The following PLEKHA8 variants were observed in gnomAD, a reference collection of about 807,000 sequenced individuals.
PLEKHA8 encodes the protein pleckstrin homology domain containing A8, also known as pleckstrin homology domain-containing family A member 8.
In PLEKHA8, 36 loss-of-function variants were observed where a neutral mutation model predicts 68.2. The ratio of observed to expected loss-of-function variants is 0.53; its 90% confidence interval spans 0.40 to 0.70. The LOEUF (loss-of-function observed/expected upper bound fraction) is 0.70. Ranked by LOEUF, PLEKHA8 falls within the 30% of genes least tolerant of loss-of-function variation. The pLI, the probability that PLEKHA8 is intolerant of heterozygous loss-of-function variation, is 0.00. For synonymous variants in PLEKHA8, 211 were observed against 216.1 expected (o/e 0.98, Z 0.20); for missense variants, 505 against 615.4 (o/e 0.82, Z 1.90).
intron 13 of PLEKHA8, among the ~76,000 whole-genome samples, chr7:30,097,004 T>C (rs1016993915): frequency 6.6e-6 from 1 of 152,196 alleles, no homozygotes; most frequent in Non-Finnish European, 1.5e-5. Context: ...CTTCAGGAGC[T>C]CTTTTAGGGC....
Position 30,028,686 on chromosome 7 carries a change from C to A in PLEKHA8, c.-77C>A. ...TGGGCAGCGCCAGGCGATGGCCCTG[C>A]TGCTGGTGCTCCTCGCCTCTTGGGG... On this transcript the variant is annotated 5_prime_UTR_variant, in exon 1 of 14. In the 5' UTR this introduces an upstream ATG that the reference lacks. Transcript: ENST00000449726. 1 of 1,122,290 alleles carries A rather than the reference C, an allele frequency of 8.9e-7. No individual in the cohort carries two copies. The highest frequency in any genetic ancestry group is 1.1e-6 in the Non-Finnish European group (1 of 879,988). The allele number at this position is 1,122,290 out of a possible 1,614,324, so 69.5% of individuals were successfully genotyped here. A position where few individuals can be genotyped will look rare whatever the true frequency, so the allele number is the denominator to read the frequency against.
chr7:30,099,019 G>T (rs988538363), intron 13 of PLEKHA8, among the ~76,000 whole-genome samples: 2 of 152,178 alleles, frequency 1.3e-5, no homozygotes, highest in Non-Finnish European at 2.9e-5. Context: ...GCCTCCCAAA[G>T]TTCTGGGATT....
At chr7:30,048,676 A>T (rs73077974) in intron 4 of PLEKHA8, among the ~76,000 whole-genome samples, 17 of 152,362 alleles carry the variant, frequency 1.1e-4, no homozygotes, top group Admixed American at 4.6e-4. Context: ...GCAGATTATA[A>T]TGAAAGATTT....
chr7:30,050,323 T>C, intron 5 of PLEKHA8, 111 bp from the exon 6 acceptor site: 1 of 1,367,958 alleles, frequency 7.3e-7, no homozygotes, highest in Non-Finnish European at 9.7e-7. Context: ...GTGGGGCTAG[T>C]GTATTTTATG....
At chr7:30,051,163 G>T (rs1792377648) in intron 6 of PLEKHA8, among the ~76,000 whole-genome samples, 1 of 152,134 alleles carries the variant, frequency 6.6e-6, no homozygotes, top group African/African-American at 2.4e-5. Flanking sequence ...GTCTCCCCAA[G>T]TATTGGTATT....
At position 30,074,061 on chromosome 7, in the gene PLEKHA8, T is replaced by G; in HGVS notation, c.1301-10T>G. 1 of 1,608,242 alleles carries G rather than the reference T, an allele frequency of 6.2e-7. No homozygotes were observed. The highest frequency in any genetic ancestry group is 1.1e-5 in the South Asian group (1 of 90,078). On this transcript the variant is annotated splice_polypyrimidine_tract_variant and intron_variant, in intron 12 of 13. Coordinates refer to ENST00000449726, the MANE Select transcript of PLEKHA8 (RefSeq NM_001197026.2). ...AAAGTGTTCCTCATGGAGTTTTTCTTCTTTTCAAGATAATGCATATGGTAA... is the reference window on the plus strand; with the variant it reads ...AAAGTGTTCCTCATGGAGTTTTTCTGCTTTTCAAGATAATGCATATGGTAA...
intron 1 of PLEKHA8, among the ~76,000 whole-genome samples, chr7:30,034,026 T>TTTTTTTTG: frequency 2.4e-5 from 3 of 124,550 alleles, no homozygotes; most frequent in African/African-American, 9.1e-5. Flanking sequence ...TTTTTTTTTT[T>TTTTTTTTG]TTTTTTTTTT....
At chr7:30,028,946 G>A (rs898763487) in intron 1 of PLEKHA8, 144 bp downstream of exon 1, 1 of 973,124 alleles carries the variant, frequency 1.0e-6, no homozygotes, top group Non-Finnish European at 1.3e-6. Context: ...TCCCAAAGCA[G>A]TTCTCTCACG....
chr7:30,061,059 A>G, intron 10 of PLEKHA8, 117 bp downstream of exon 10: 1 of 911,468 alleles, frequency 1.1e-6, no homozygotes. Context: ...TTCTTTTAAG[A>G]GAGCAAGCAT....
chr7:30,054,065 G>A (rs1487749127), intron 7 of PLEKHA8, among the ~76,000 whole-genome samples: 1 of 152,082 alleles, frequency 6.6e-6, no homozygotes, highest in African/African-American at 2.4e-5. Flanking sequence ...GGGTAGGAAC[G>A]CTAGACGGTA....
intron 12 of PLEKHA8, among the ~76,000 whole-genome samples, chr7:30,067,896 C>T (rs917994491): frequency 2.6e-5 from 4 of 152,210 alleles, no homozygotes; most frequent in Non-Finnish European, 5.9e-5. Flanking sequence ...CAGTTGATTA[C>T]AGATTTTCAC....
intron 9 of PLEKHA8, among the ~76,000 whole-genome samples, chr7:30,060,156 A>G (rs1382948260): frequency 6.6e-6 from 1 of 151,680 alleles, no homozygotes; most frequent in East Asian, 1.9e-4. Context: ...AGAATCATTA[A>G]TGAGTCTGAG....
At chr7:30,056,314 A>C (rs7786316) in intron 9 of PLEKHA8, among the ~76,000 whole-genome samples, 23,961 of 68,704 alleles carry the variant, frequency 0.35, 3,141 homozygotes, top group African/African-American at 0.4. Flanking sequence ...CTCTCTCTCT[A>C]TATATATATA....
At chr7:30,053,334 A>G (rs949468922) in intron 7 of PLEKHA8, among the ~76,000 whole-genome samples, 3 of 152,234 alleles carry the variant, frequency 2.0e-5, no homozygotes, top group Non-Finnish European at 2.9e-5. Context: ...ATAGGTTTGT[A>G]GTTCAAATAT....
intron 13 of PLEKHA8, among the ~76,000 whole-genome samples, chr7:30,077,059 A>G (rs775089269): frequency 3.9e-5 from 6 of 152,104 alleles, no homozygotes; most frequent in Non-Finnish European, 8.8e-5. Flanking sequence ...GTTGAACTCT[A>G]TTACTGGTTC....
intron 9 of PLEKHA8, among the ~76,000 whole-genome samples, chr7:30,059,841 T>TG (rs1451637947): frequency 9.5e-6 from 1 of 105,450 alleles, no homozygotes; most frequent in African/African-American, 3.7e-5. Context: ...TAATTTTAAT[T>TG]ATTTTAAAAC....
At chr7:30,116,462 ACTT>A (rs892009171) in intron 13 of PLEKHA8, among the ~76,000 whole-genome samples, 2 of 151,964 alleles carry the variant, frequency 1.3e-5, no homozygotes, top group African/African-American at 2.4e-5. Flanking sequence ...CTGAAGAAAA[ACTT>A]CTGCCTTAGA....
rs564984012 is a variant in PLEKHA8, at chr7:30,098,588, G to A, written c.1362+24456G>A. The stretch of plus-strand genomic sequence containing the variant: ...TTGCAGTTTGATCTCAGACTGCTGT[G>A]CTAGCAATGAGCGAGGCTCCGTGGG... On this transcript the variant is annotated intron_variant, in intron 13 of 13. Coordinates refer to the PLEKHA8 transcript ENST00000396257. Among the ~76,000 whole-genome samples the A allele has an allele frequency of 1.3e-3, 197 of 152,352 alleles. 1 individual carries two copies. The highest frequency in any genetic ancestry group is 4.5e-3 in the African/African-American group (187 of 41,580).
rs894469592 is a variant in PLEKHA8, at chr7:30,041,797, A to AT, written c.41-3281dup. On this transcript the variant is annotated intron_variant, in intron 1 of 13. Transcript: ENST00000449726. ...TTGTAAGATAAAACTAGTTTAGTAC[A>AT]TTTTTTTCAGTTTTAGGACACTCTT... 2.0e-5 allele frequency among the ~76,000 whole-genome samples: 3 copies of AT among 151,732 alleles called. No individual in the cohort carries two copies. The South Asian group carries it at 6.2e-4, about 32-fold the overall frequency.
Sources: allele counts gnomAD v4.1 joint callset (sites outside exome capture counted in the v4.1 genomes callset), GRCh38; gene constraint gnomAD v4.1.1; transcripts MANE v1.5; gene names NCBI Gene and HGNC (gene_info 2026-07-23, HGNC 2026-07-21).